The following SNRPB2 variants were observed in gnomAD, a reference collection of about 807,000 sequenced individuals.
SNRPB2 encodes small nuclear ribonucleoprotein polypeptide B2, also known as U2 small nuclear ribonucleoprotein B''.
SNRPB2 carries 16 observed loss-of-function variants against 26.3 expected under a neutral mutation model. That is an observed-to-expected ratio of 0.61 (90% CI 0.41 to 0.92). SNRPB2 has a LOEUF of 0.92. SNRPB2 is among the 40% of genes least tolerant of loss of function. SNRPB2 has a pLI of 0.00. For synonymous variants in SNRPB2, 75 were observed against 89.0 expected (o/e 0.84, Z 0.88); for missense variants, 179 against 268.1 (o/e 0.67, Z 2.32).
rs1357572161 is a variant in SNRPB2 at position 16,741,294 on chromosome 20, A to G, written c.*289A>G. 4.8e-6 allele frequency: 1 copy of G among 209,742 alleles called. No homozygotes were observed. Among genetic ancestry groups the G allele is most frequent in the African/African-American group, 2.3e-5 (1 of 43,540 alleles). The allele number at this position is 209,742 out of a possible 1,614,324, so 13.0% of individuals were successfully genotyped here. ...AGTCTAGAACACACTTAAGGTTTAT[A>G]AACTTGTGTAATAGGATGCTTTTCT... is the stretch of plus-strand genomic sequence containing the variant. On this transcript the variant is annotated 3_prime_UTR_variant, in exon 7 of 7. Transcript: ENST00000246071.
Position 16,731,679 on chromosome 20 carries a change from T to C in SNRPB2, c.-24T>C. ...CCTTTTTATAACAGATTTTTTACTG[T>C]CTCCTGAAGAATTTAACACAAACAT... On this transcript the variant is annotated 5_prime_UTR_variant, in exon 2 of 7. Transcript: ENST00000246071. 6.2e-7 allele frequency: 1 copy of C among 1,610,684 alleles called. No individual in the cohort carries two copies. Among genetic ancestry groups the C allele is most frequent in the Non-Finnish European group, 8.5e-7 (1 of 1,178,056 alleles).
At chr20:16,739,564 C>G (rs1327138948) in intron 5 of SNRPB2, among the ~76,000 whole-genome samples, 1 of 151,932 alleles carries the variant, frequency 6.6e-6, no homozygotes, top group Non-Finnish European at 1.5e-5. Context: ...TTTTAAGTTA[C>G]TTGGGTTTTT....
At position 16,742,475 on chromosome 20, in the gene SNRPB2, C is replaced by T. The variant is rs1360921310; in HGVS notation, c.*1470C>T. The T allele has an allele frequency of 6.6e-6, 1 of 150,956 alleles. No homozygotes were observed. Among genetic ancestry groups the T allele is most frequent in the East Asian group, 2.0e-4 (1 of 5,070 alleles). 9.4% of individuals were successfully genotyped at this position (150,956 alleles called of 1,614,324 possible). ...AGGTCTTCTTCAGGATTTGCTTATA[C>T]TCTGAGTGAAATGGGGGACTATTTT... On this transcript the variant is annotated 3_prime_UTR_variant, in exon 7 of 7. Coordinates refer to ENST00000246071, the MANE Select transcript of SNRPB2 (RefSeq NM_003092.5).
intron 3 of SNRPB2, among the ~76,000 whole-genome samples, chr20:16,736,756 T>G (rs1029698191): frequency 6.6e-6 from 1 of 152,196 alleles, no homozygotes; most frequent in African/African-American, 2.4e-5. Context: ...TGGCCTCCAG[T>G]GGGCTCTGGA....
intron 6 of SNRPB2, 44 bp downstream of exon 6, chr20:16,740,457 C>T: frequency 6.2e-7 from 1 of 1,603,606 alleles, no homozygotes; most frequent in Non-Finnish European, 8.5e-7. Flanking sequence ...AGCTTCCTCA[C>T]AGGACAAGTA....
At chr20:16,737,152 G>T in intron 3 of SNRPB2, 109 bp from the exon 4 acceptor site, 1 of 817,812 alleles carries the variant, frequency 1.2e-6, no homozygotes, top group Non-Finnish European at 1.8e-6. Flanking sequence ...TTAGGGATAT[G>T]TTTAAAATTA....
At chr20:16,740,712 C>T (rs1454045184) in intron 6 of SNRPB2, 134 bp from the exon 7 acceptor site, 10 of 708,546 alleles carry the variant, frequency 1.4e-5, no homozygotes, top group African/African-American at 3.6e-5. Flanking sequence ...GAGGCTCTTC[C>T]GTCTACTCAG....
At chr20:16,731,876 T>C in intron 2 of SNRPB2, 110 bp downstream of exon 2, 3 of 1,507,854 alleles carry the variant, frequency 2.0e-6, no homozygotes, top group Non-Finnish European at 2.7e-6. Context: ...GTGCCTGAAA[T>C]AATGGTTTAT....
chr20:16,731,630 A>G lies in SNRPB2; in HGVS notation c.-35-38A>G, dbSNP rs867146749. 2.0e-5 allele frequency: 32 copies of G among 1,571,556 alleles called. 1 individual carries two copies. Among genetic ancestry groups the G allele is most frequent in the African/African-American group, 1.1e-4 (8 of 73,104 alleles). ...AATTCTTGTGTTGTGTCCTTATGCC[A>G]CAGTCCAGTATAATTTACTCCTTCC... On this transcript the variant is annotated intron_variant, in intron 1 of 6. Coordinates refer to ENST00000246071, the MANE Select transcript of SNRPB2 (RefSeq NM_003092.5).
intron 4 of SNRPB2, 125 bp from the exon 5 acceptor site, chr20:16,738,727 A>C: frequency 1.5e-6 from 1 of 672,966 alleles, no homozygotes; most frequent in East Asian, 2.7e-5. Context: ...AAGTAAAATT[A>C]AATGGAGTAA....
At position 16,737,221 on chromosome 20, in the gene SNRPB2, TCAG is replaced by T. The variant is rs1456576236; in HGVS notation, c.238-37_238-35del. ...TATTAATGACTAGTGTAAACATCCT[TCAG>T]CATGAGAAGTAACCTGTTTTCAAAT... On this transcript the variant is annotated intron_variant, in intron 3 of 6. Coordinates refer to ENST00000246071, the MANE Select transcript of SNRPB2 (RefSeq NM_003092.5). 70 of 1,518,094 alleles carry T rather than the reference TCAG, an allele frequency of 4.6e-5. No individual in the cohort carries two copies. In the Admixed American group the frequency reaches 1.6e-3, roughly 34 times the overall value. The allele number at this position is 1,518,094 out of a possible 1,614,324, so 94.0% of individuals were successfully genotyped here.
At chr20:16,739,993 A>T (rs2072452901) in intron 5 of SNRPB2, among the ~76,000 whole-genome samples, 3 of 151,282 alleles carry the variant, frequency 2.0e-5, no homozygotes, top group Admixed American at 6.6e-5. Flanking sequence ...GTAACCAGCT[A>T]CGGAGGGGTG....
rs1374698100 is a variant in SNRPB2 at position 16,740,992 on chromosome 20, A to G, written c.665A>G (p.Tyr222Cys). The G allele has an allele frequency of 1.9e-6, 3 of 1,608,038 alleles. No homozygotes were observed. The highest frequency in any genetic ancestry group is 1.7e-5 in the Admixed American group (1 of 59,566). Residue 222 changes from tyrosine (Y) to cysteine (C), a missense_variant, in exon 7 of 7, where the codon TAT becomes TGT. This residue lies in a region of SNRPB2 where 34 missense variants were observed against 87.4 expected (regional missense o/e 0.39). Transcript: ENST00000246071. Reference protein sequence around the residue: ...ITPSHAMKITYAKK With the variant: ...ITPSHAMKITCAKK ...CCGTCCCATGCTATGAAGATCACCTATGCCAAGAAATAACATTTGGGATAG... is the reference window on the plus strand; with the variant it reads ...CCGTCCCATGCTATGAAGATCACCTGTGCCAAGAAATAACATTTGGGATAG...
chr20:16,737,237 C>G, intron 3 of SNRPB2, 24 bp from the exon 4 acceptor site: 1 of 1,552,648 alleles, frequency 6.4e-7, no homozygotes, highest in South Asian at 1.2e-5. Flanking sequence ...TGAGAAGTAA[C>G]CTGTTTTCAA....
chr20:16,730,907 A>G (rs2072385485), intron 1 of SNRPB2: 1 of 149,442 alleles, frequency 6.7e-6, no homozygotes, highest in South Asian at 2.1e-4. Context: ...TTACCTGGTA[A>G]TAGCTGTTAA....
At position 16,740,979 on chromosome 20, in the gene SNRPB2, A is replaced by G; in HGVS notation, c.652A>G (p.Met218Val). 1 of 1,611,398 alleles carries G rather than the reference A, an allele frequency of 6.2e-7. No individual in the cohort carries two copies. The highest frequency in any genetic ancestry group is 2.2e-5 in the East Asian group (1 of 44,852). The change falls in exon 7 of 7, where the codon ATG becomes GTG. Residue 218 changes from methionine to valine, a missense_variant. This residue lies in a region of SNRPB2 where 34 missense variants were observed against 87.4 expected (regional missense o/e 0.39). Coordinates refer to ENST00000246071, the MANE Select transcript of SNRPB2 (RefSeq NM_003092.5). ...QGFKITPSHAMKITYAKK is the reference protein window; with the variant it reads ...QGFKITPSHAVKITYAKK ...ATTTAAGATCACACCGTCCCATGCTATGAAGATCACCTATGCCAAGAAATA... is the reference window on the plus strand; with the variant it reads ...ATTTAAGATCACACCGTCCCATGCTGTGAAGATCACCTATGCCAAGAAATA...
At position 16,737,343 on chromosome 20, in the gene SNRPB2, A is replaced by G. The variant is rs776935953; in HGVS notation, c.320A>G (p.Lys107Arg). The change falls in exon 4 of 7, where the codon AAG becomes AGG. Residue 107 changes from lysine to arginine, a missense_variant. By Grantham distance (26) the Lys-to-Arg change is conservative. Transcript: ENST00000246071. ...TFADKEKKKE[K>R]KKAKTVEQTA... is the part of the protein sequence containing the mutation. ...GCTGACAAAGAAAAGAAAAAAGAAA[A>G]GAAAAAAGCCAAAACTGTGGAACAG... 1.9e-6 allele frequency: 3 copies of G among 1,608,178 alleles called. No homozygotes were observed. The highest frequency in any genetic ancestry group is 1.1e-5 in the South Asian group (1 of 88,980).
chr20:16,740,799 A>G, intron 6 of SNRPB2, 47 bp from the exon 7 acceptor site: 4 of 1,411,306 alleles, frequency 2.8e-6, no homozygotes, highest in Non-Finnish European at 3.9e-6. Context: ...CACAAAGCAA[A>G]CATTTATGTA....
chr20:16,740,024 T>G (rs1334944362), intron 5 of SNRPB2, among the ~76,000 whole-genome samples: 1 of 151,946 alleles, frequency 6.6e-6, no homozygotes, highest in Non-Finnish European at 1.5e-5. Context: ...CCATCTCTAA[T>G]TTTATTAAGA....
Sources: allele counts gnomAD v4.1 joint callset (sites outside exome capture counted in the v4.1 genomes callset), GRCh38; gene constraint gnomAD v4.1.1; regional missense constraint gnomAD v4.1.1; transcripts MANE v1.5; gene names NCBI Gene and HGNC (gene_info 2026-07-23, HGNC 2026-07-21).